The following ARRB1 variants were observed in gnomAD, a reference collection of about 807,000 sequenced individuals.
The protein encoded by ARRB1 is arrestin beta 1.
In ARRB1, 21 loss-of-function variants were observed where a neutral mutation model predicts 56.8. That is an observed-to-expected ratio of 0.37 (90% CI 0.26 to 0.53). ARRB1 has a LOEUF of 0.53. Ranked by LOEUF, ARRB1 falls within the 20% of genes least tolerant of loss-of-function variation. ARRB1 has a pLI of 0.88. For synonymous variants in ARRB1, 210 were observed against 218.6 expected, an observed-to-expected ratio of 0.96 and a Z score of 0.35; for missense variants, 424 against 553.7, an observed-to-expected ratio of 0.77 and a Z score of 2.35.
rs755894236 is a variant in ARRB1 at position 75,269,171 on chromosome 11, G to A, written c.1023-212C>T. 1.5e-5 allele frequency: 11 copies of A among 741,098 alleles called. No individual in the cohort carries two copies. In the Middle Eastern group the frequency reaches 1.1e-3, roughly 77 times the overall value. The allele number at this position is 741,098 out of a possible 1,614,324, so 45.9% of individuals were successfully genotyped here. On this transcript the variant is annotated intron_variant, in intron 13 of 15. Coordinates refer to ENST00000420843, the MANE Select transcript of ARRB1 (RefSeq NM_004041.5). The stretch of plus-strand genomic sequence containing the variant: ...ACTTCCTCTGGTCCCAAAAAGAAAT[G>A]GAAGCCTCCTCTTTCCTGAGAAGGC...
At chr11:75,302,192 G>T (rs1032313331) in intron 1 of ARRB1, among the ~76,000 whole-genome samples, 1 of 152,220 alleles carries the variant, frequency 6.6e-6, no homozygotes, top group African/African-American at 2.4e-5. Flanking sequence ...AGGGGTGGTG[G>T]CTGGGGAGTG....
intron 5 of ARRB1, 95 bp from the exon 6 acceptor site, chr11:75,282,116 C>A: frequency 7.4e-7 from 1 of 1,347,172 alleles, no homozygotes; most frequent in Non-Finnish European, 1.0e-6. Context: ...CCCATCAGAC[C>A]AAGGGCCCCA....
rs1485004266 is a variant in ARRB1, at chr11:75,264,392, A to G, written c.*1771T>C. Reference sequence around the variant, plus strand: ...GAGAGAGCCCTTGTCCTGCTAATCAATATATTTGCCTGGGTAAACCTCAGG... The same window carrying G: ...GAGAGAGCCCTTGTCCTGCTAATCAGTATATTTGCCTGGGTAAACCTCAGG... On this transcript the variant is annotated 3_prime_UTR_variant, in exon 16 of 16. Transcript: ENST00000420843. 6.6e-6 allele frequency: 1 copy of G among 152,342 alleles called. No homozygotes were observed. Among genetic ancestry groups the G allele is most frequent in the East Asian group, 1.9e-4 (1 of 5,178 alleles). 9.4% of individuals were successfully genotyped at this position (152,342 alleles called of 1,614,324 possible). A position where few individuals can be genotyped will look rare whatever the true frequency, so the allele number is the denominator to read the frequency against.
chr11:75,306,554 C>T (rs1947035468), intron 1 of ARRB1: 1 of 1,247,176 alleles, frequency 8.0e-7, no homozygotes, highest in South Asian at 1.2e-5. Flanking sequence ...AAGTCTTACC[C>T]CATTTTACAG....
At chr11:75,322,210 T>C (rs574228695) in intron 1 of ARRB1, among the ~76,000 whole-genome samples, 1 of 152,290 alleles carries the variant, frequency 6.6e-6, no homozygotes, top group East Asian at 1.9e-4. Flanking sequence ...GGTGCTGAAC[T>C]GGGGCAAAAC....
intron 14 of ARRB1, among the ~76,000 whole-genome samples, chr11:75,268,115 CA>C (rs1182860726): frequency 6.6e-6 from 1 of 152,158 alleles, no homozygotes; most frequent in Non-Finnish European, 1.5e-5. Flanking sequence ...ACAGTTTAAC[CA>C]TGGAAGTTTT....
At chr11:75,273,769 C>T (rs529175380) in intron 11 of ARRB1, among the ~76,000 whole-genome samples, 6 of 152,308 alleles carry the variant, frequency 3.9e-5, no homozygotes, top group South Asian at 2.1e-4. Flanking sequence ...GAAGGCATTA[C>T]GTCAGAAGCT....
chr11:75,321,137 C>A, intron 1 of ARRB1, among the ~76,000 whole-genome samples: 1 of 152,180 alleles, frequency 6.6e-6, no homozygotes. Context: ...GCCCTCCTTC[C>A]TTTCAGGAGA....
rs560228058 is a variant in ARRB1 at position 75,263,799 on chromosome 11, A to G, written c.*2364T>C. ...TCCCTGCAGCTGGAGAAATTTGCTA[A>G]ATAACACTGGGCTAAACCCAAAAGG... On this transcript the variant is annotated 3_prime_UTR_variant, in exon 16 of 16. Coordinates refer to ENST00000420843, the MANE Select transcript of ARRB1 (RefSeq NM_004041.5). Among the ~76,000 whole-genome samples the G allele has an allele frequency of 6.6e-6, 1 of 152,214 alleles. No individual in the cohort carries two copies. The highest frequency in any genetic ancestry group is 2.4e-5 in the African/African-American group (1 of 41,530).
chr11:75,340,308 T>C (rs1947675158), intron 1 of ARRB1, among the ~76,000 whole-genome samples: 1 of 152,326 alleles, frequency 6.6e-6, no homozygotes, highest in Middle Eastern at 3.4e-3. Context: ...CCCAGAGGCC[T>C]GCACTGAGGA....
chr11:75,308,698 T>C (rs1947087735), intron 1 of ARRB1, among the ~76,000 whole-genome samples: 2 of 150,924 alleles, frequency 1.3e-5, no homozygotes, highest in Admixed American at 1.3e-4. Flanking sequence ...TGAGCCAAGA[T>C]AGCACCACTG....
chr11:75,283,600 T>A, intron 4 of ARRB1, 117 bp from the exon 5 acceptor site: 1 of 989,666 alleles, frequency 1.0e-6, no homozygotes. Context: ...TGTCCCAAGC[T>A]CTGTGGGGAT....
intron 1 of ARRB1, among the ~76,000 whole-genome samples, chr11:75,315,044 T>A (rs1947242138): frequency 6.6e-6 from 1 of 152,158 alleles, no homozygotes; most frequent in South Asian, 2.1e-4. Flanking sequence ...TCCCAGTTAG[T>A]GCTGCTTCCA....
chr11:75,348,596 A>AT lies in ARRB1; in HGVS notation c.20+2991dup, dbSNP rs1363636617. Among the ~76,000 whole-genome samples, 519 of 146,594 alleles carry AT rather than the reference A, an allele frequency of 3.5e-3. 3 individuals are homozygous for AT. The highest frequency in any genetic ancestry group is 0.021 in the East Asian group (107 of 5,044). On this transcript the variant is annotated intron_variant, in intron 1 of 15. Transcript: ENST00000420843. ...GCCCTGTGATTAGTCCTGTCCAGGT[A>AT]TTTTTTTTTTTTATTTTTTCAGACA...
At chr11:75,308,728 G>A (rs1183118829) in intron 1 of ARRB1, among the ~76,000 whole-genome samples, 1 of 151,244 alleles carries the variant, frequency 6.6e-6, no homozygotes, top group Non-Finnish European at 1.5e-5. Flanking sequence ...CTTGGCGACA[G>A]AGTGAGAATC....
intron 1 of ARRB1, among the ~76,000 whole-genome samples, chr11:75,314,184 G>A (rs1408952804): frequency 6.6e-6 from 1 of 152,238 alleles, no homozygotes; most frequent in East Asian, 1.9e-4. Context: ...ACAGGGTGGA[G>A]AAACCATGGG....
chr11:75,272,105 A>T (rs1298655951), intron 12 of ARRB1, among the ~76,000 whole-genome samples: 1 of 152,236 alleles, frequency 6.6e-6, no homozygotes, highest in Non-Finnish European at 1.5e-5. Context: ...AGGTCACCAG[A>T]CACAGGATTT....
intron 1 of ARRB1, among the ~76,000 whole-genome samples, chr11:75,346,599 C>G (rs1947770972): frequency 6.6e-6 from 1 of 152,176 alleles, no homozygotes; most frequent in African/African-American, 2.4e-5. Context: ...CACCAAAACC[C>G]ATGCCACCAG....
At chr11:75,289,036 G>A (rs993560543) in intron 2 of ARRB1, among the ~76,000 whole-genome samples, 5 of 152,094 alleles carry the variant, frequency 3.3e-5, no homozygotes, top group African/African-American at 1.2e-4. Flanking sequence ...GAGCTGTCTC[G>A]GACTCTGGGC....
Sources: allele counts gnomAD v4.1 joint callset (sites outside exome capture counted in the v4.1 genomes callset), GRCh38; gene constraint gnomAD v4.1.1; transcripts MANE v1.5; gene names NCBI Gene and HGNC (gene_info 2026-07-23, HGNC 2026-07-21).